The following NLGN1 variants were observed in gnomAD, a reference collection of about 807,000 sequenced individuals.
The protein encoded by NLGN1 is neuroligin-1.
Under a neutral mutation model 65.5 loss-of-function variants are expected in NLGN1, and 12 were observed. The ratio of observed to expected loss-of-function variants is 0.18; its 90% CI spans 0.12 to 0.30. The LOEUF (loss-of-function observed/expected upper bound fraction) is 0.30, where lower values mean the gene tolerates loss of function less well. NLGN1 is among the 10% of genes least tolerant of loss of function. The pLI is 1.00. For synonymous variants in NLGN1, 350 were observed against 359.5 expected (o/e 0.97, Z 0.30); for missense variants, 750 against 1,007.1 (o/e 0.74, Z 3.46).
chr3:174,002,904 G>A (rs1723592247), intron 4 of NLGN1, among the ~76,000 whole-genome samples: 2 of 152,210 alleles, frequency 1.3e-5, no homozygotes, highest in South Asian at 4.1e-4. Context: ...TTTAAGCTAG[G>A]TCAGGATAAA....
intron 2 of NLGN1, among the ~76,000 whole-genome samples, chr3:173,556,056 T>C (rs1461900502): frequency 6.6e-6 from 1 of 152,218 alleles, no homozygotes; most frequent in East Asian, 1.9e-4. Flanking sequence ...GTTTGTCTGC[T>C]TCATCTAACT....
rs1255315527 is a variant in NLGN1 at position 174,203,937 on chromosome 3, T to TG, written c.647-71376dup. 2.6e-5 allele frequency among the ~76,000 whole-genome samples: 4 copies of TG among 152,342 alleles called. No homozygotes were observed. In the East Asian group the frequency reaches 7.7e-4, roughly 29 times the overall value. ...GTTTCAGATAATATAGAAATTCTAT[T>TG]GGAGTCATTATTTTAAAATTACAAT... On this transcript the variant is annotated intron_variant, in intron 4 of 6. Transcript: ENST00000457714.
intron 2 of NLGN1, among the ~76,000 whole-genome samples, chr3:173,491,646 C>T (rs1334375032): frequency 6.6e-6 from 1 of 151,590 alleles, no homozygotes; most frequent in East Asian, 1.9e-4. Context: ...TTCTGGGTTT[C>T]ATGTCTGCTA....
At chr3:174,062,261 A>C (rs1004080934) in intron 4 of NLGN1, among the ~76,000 whole-genome samples, 1 of 152,084 alleles carries the variant, frequency 6.6e-6, no homozygotes, top group African/African-American at 2.4e-5. Context: ...GTTACTGACA[A>C]TTTATTTAAT....
chr3:174,034,916 A>C (rs1057268915), intron 4 of NLGN1, among the ~76,000 whole-genome samples: 3 of 152,188 alleles, frequency 2.0e-5, no homozygotes, highest in Non-Finnish European at 4.4e-5. Flanking sequence ...GACAAGACTT[A>C]TGTGTTTAAA....
intron 2 of NLGN1, among the ~76,000 whole-genome samples, chr3:173,502,514 AGTTTTCTAGCTAAT>A (rs1731309250): frequency 6.6e-6 from 1 of 152,134 alleles, no homozygotes; most frequent in African/African-American, 2.4e-5. Flanking sequence ...AGGGATACAT[AGTTTTCTAGCTAAT>A]GTTTTCTTCA....
intron 3 of NLGN1, among the ~76,000 whole-genome samples, chr3:173,761,803 CAATT>C (rs2150211346): frequency 6.6e-6 from 1 of 152,082 alleles, no homozygotes; most frequent in South Asian, 2.1e-4. Context: ...TTAAACTTAT[CAATT>C]GAGACAGATA....
chr3:174,169,398 A>T (rs554779353), intron 4 of NLGN1, among the ~76,000 whole-genome samples: 3 of 152,134 alleles, frequency 2.0e-5, no homozygotes, highest in Admixed American at 2.0e-4. Flanking sequence ...TAATGCTTGA[A>T]GATCTGCTTG....
In NLGN1 at chr3:173,844,252, A is replaced by T. The variant is rs563379553; in HGVS notation, c.646+36420A>T. On this transcript the variant is annotated intron_variant, in intron 4 of 6. Coordinates refer to ENST00000457714, the Ensembl canonical transcript of NLGN1. ...CAAGATGAAATTTGGGTGGAGACACAGCCAAACTATATCACAGCCCTTGTT... is the reference window on the plus strand; with the variant it reads ...CAAGATGAAATTTGGGTGGAGACACTGCCAAACTATATCACAGCCCTTGTT... Among the ~76,000 whole-genome samples, 17 of 152,320 alleles carry T rather than the reference A, an allele frequency of 1.1e-4. 1 individual carries two copies. In the South Asian group the frequency reaches 3.3e-3, roughly 30 times the overall value.
At chr3:174,119,014 A>G (rs931137462) in intron 4 of NLGN1, among the ~76,000 whole-genome samples, 1 of 152,182 alleles carries the variant, frequency 6.6e-6, no homozygotes, top group African/African-American at 2.4e-5. Flanking sequence ...GGCAGAGGAC[A>G]TAGAAAAAAA....
intron 4 of NLGN1, among the ~76,000 whole-genome samples, chr3:173,874,649 A>G (rs1031773673): frequency 1.3e-5 from 2 of 152,222 alleles, no homozygotes; most frequent in Non-Finnish European, 2.9e-5. Context: ...TAGTGATGAT[A>G]AACATGTAAT....
intron 2 of NLGN1, among the ~76,000 whole-genome samples, chr3:173,524,148 G>A (rs1012403178): frequency 1.3e-4 from 19 of 151,232 alleles, no homozygotes; most frequent in African/African-American, 4.1e-4. Context: ...GGATGGTCTC[G>A]ATCTCCTGAC....
chr3:173,572,981 T>C lies in NLGN1; in HGVS notation c.-320-31298T>C, dbSNP rs536278900. Among the ~76,000 whole-genome samples, 15 of 152,294 alleles carry C rather than the reference T, an allele frequency of 9.8e-5. No individual in the cohort carries two copies. The South Asian group carries it at 3.1e-3, about 32-fold the overall frequency. Reference sequence around the variant, plus strand: ...CCCAAGTCCCGGTGTTATTTCTGCCTCACAAGAAGTGCTGGGAGCATCCCA... The same window carrying C: ...CCCAAGTCCCGGTGTTATTTCTGCCCCACAAGAAGTGCTGGGAGCATCCCA... On this transcript the variant is annotated intron_variant, in intron 2 of 6. Transcript: ENST00000457714.
At chr3:173,994,580 A>G (rs1422232095) in intron 4 of NLGN1, among the ~76,000 whole-genome samples, 1 of 151,036 alleles carries the variant, frequency 6.6e-6, no homozygotes, top group African/African-American at 2.4e-5. Context: ...TGATGGCAAA[A>G]TTTTAAGCTC....
At chr3:173,669,947 A>G (rs77969859) in intron 3 of NLGN1, among the ~76,000 whole-genome samples, 58 of 152,320 alleles carry the variant, frequency 3.8e-4, no homozygotes, top group Admixed American at 1.2e-3. Flanking sequence ...ATAAAAACAC[A>G]AAATCTTGTT....
intron 4 of NLGN1, among the ~76,000 whole-genome samples, chr3:174,234,392 G>A (rs1036095335): frequency 2.0e-5 from 3 of 152,152 alleles, no homozygotes; most frequent in African/African-American, 7.2e-5. Context: ...CATCCTGCTA[G>A]CAATTGGGAG....
At chr3:173,585,958 C>G (rs1170071905) in intron 2 of NLGN1, among the ~76,000 whole-genome samples, 1 of 152,142 alleles carries the variant, frequency 6.6e-6, no homozygotes, top group Non-Finnish European at 1.5e-5. Context: ...TGAATTGACT[C>G]AGGCAACTAA....
At chr3:174,063,643 T>G (rs1737873271) in intron 4 of NLGN1, among the ~76,000 whole-genome samples, 1 of 141,774 alleles carries the variant, frequency 7.1e-6, no homozygotes, top group Non-Finnish European at 1.5e-5. Context: ...TGTTATCAAC[T>G]AGCTTAGCAA....
intron 3 of NLGN1, among the ~76,000 whole-genome samples, chr3:173,642,510 G>A (rs563539822): frequency 1.3e-3 from 193 of 152,286 alleles, no homozygotes; most frequent in African/African-American, 4.5e-3. Context: ...ATTGACCAAC[G>A]TATGATGTGT....
Sources: gnomAD v4.1 joint callset for allele counts (sites outside exome capture counted in the v4.1 genomes callset) on GRCh38, gnomAD v4.1.1 for gene constraint, MANE v1.5 for transcripts, NCBI Gene and HGNC (gene_info 2026-07-23, HGNC 2026-07-21) for gene names.